PCSK6: variants seen among roughly 807,000 people sequenced by gnomAD.
PCSK6 encodes paired basic amino acid cleaving enzyme 4.
PCSK6 carries 85 observed loss-of-function variants against 123.3 expected under a neutral mutation model. That is an observed-to-expected ratio of 0.69 (90% CI 0.58 to 0.83). The LOEUF (loss-of-function observed/expected upper bound fraction) is 0.83, where lower values mean the gene tolerates loss of function less well. PCSK6 is among the 40% of genes least tolerant of loss of function. The pLI, the probability that PCSK6 is intolerant of heterozygous loss-of-function variation, is 0.00. For missense variants in PCSK6, 1,191 were observed against 1,282.3 expected (o/e 0.93, Z 1.09); for synonymous variants, 508 against 516.0 (o/e 0.98, Z 0.21).
At chr15:101,406,753 C>T (rs1050434967) in intron 6 of PCSK6, among the ~76,000 whole-genome samples, 3 of 152,148 alleles carry the variant, frequency 2.0e-5, no homozygotes, top group Non-Finnish European at 1.5e-5. Context: ...CGTTCGCCAT[C>T]GTGACATGAA....
chr15:101,469,966 A>G (rs1337851297), intron 1 of PCSK6, among the ~76,000 whole-genome samples: 7 of 152,198 alleles, frequency 4.6e-5, no homozygotes, highest in African/African-American at 1.7e-4. Flanking sequence ...CGCCGTGATG[A>G]TATCAATATG....
At chr15:101,399,385 G>T (rs1316460133) in intron 6 of PCSK6, among the ~76,000 whole-genome samples, 32 of 152,214 alleles carry the variant, frequency 2.1e-4, no homozygotes, top group Admixed American at 2.0e-3. Flanking sequence ...GGGGACTGGG[G>T]TCTTGGACTT....
At chr15:101,330,647 T>A (rs75809479) in intron 15 of PCSK6, among the ~76,000 whole-genome samples, 2 of 152,118 alleles carry the variant, frequency 1.3e-5, no homozygotes, top group African/African-American at 4.8e-5. Context: ...GGAGACCCCC[T>A]CTCTCCACCT....
At chr15:101,488,967 G>A (rs1166327686) in intron 1 of PCSK6, among the ~76,000 whole-genome samples, 3 of 150,322 alleles carry the variant, frequency 2.0e-5, no homozygotes, top group African/African-American at 7.3e-5. Context: ...GGGGAGAGCC[G>A]GGTGGGCGCC....
chr15:101,319,933 C>A lies in PCSK6; in HGVS notation c.2466-1511G>T, dbSNP rs770180983. Reference sequence around the variant, plus strand: ...CAATTAATCGAACCCAAGGAGGGGTCATGGCAAGTCCGATTTATGGCTGGT... The same window carrying A: ...CAATTAATCGAACCCAAGGAGGGGTAATGGCAAGTCCGATTTATGGCTGGT... On this transcript the variant is annotated intron_variant, in intron 18 of 21. Coordinates refer to ENST00000611716, the MANE Select transcript of PCSK6 (RefSeq NM_002570.5). 3.9e-5 allele frequency among the ~76,000 whole-genome samples: 6 copies of A among 152,240 alleles called. No homozygotes were observed. In the East Asian group the frequency reaches 7.7e-4, roughly 20 times the overall value.
chr15:101,427,947 A>G lies in PCSK6; in HGVS notation c.768T>C (p.Ala256=). 6.3e-7 allele frequency: 1 copy of G among 1,588,056 alleles called. No homozygotes were observed. The change falls in exon 6 of 22, where the codon GCT becomes GCC. Residue 256 remains alanine (A), a synonymous_variant. Coordinates refer to ENST00000611716, the MANE Select transcript of PCSK6 (RefSeq NM_002570.5). Reference sequence around the variant, plus strand: ...CGATGCAGTAGGAATTGTTTGCTGAAGCAGCAACTTCTCCCGCACAACGAG... The same window carrying G: ...CGATGCAGTAGGAATTGTTTGCTGAGGCAGCAACTTCTCCCGCACAACGAG... The part of the protein sequence containing the change: ...HGTRCAGEVA[A]SANNSYCIVG...
In PCSK6 at chr15:101,322,710, G is replaced by A. The variant is rs568132865; in HGVS notation, c.2378-103C>T. 1.2e-4 allele frequency: 84 copies of A among 722,632 alleles called. No homozygotes were observed. The Admixed American group carries it at 1.8e-3, about 15-fold the overall frequency. 44.8% of individuals were successfully genotyped at this position (722,632 alleles called of 1,614,324 possible). On this transcript the variant is annotated intron_variant, in intron 17 of 21. Transcript: ENST00000611716. ...CATTTCAAAGCGGGGGTGCGGGTGG[G>A]CTGTTCCCCGAGTCCACCTCCGGAA...
At chr15:101,361,165 T>TC (rs35082925) in intron 13 of PCSK6, among the ~76,000 whole-genome samples, 11,387 of 69,868 alleles carry the variant, frequency 0.16, 1,085 homozygotes, top group East Asian at 0.38. Context: ...TTTCTCTCTC[T>TC]TTTTTTTTTT....
At chr15:101,460,083 T>C (rs767187200) in intron 1 of PCSK6, among the ~76,000 whole-genome samples, 1 of 151,966 alleles carries the variant, frequency 6.6e-6, no homozygotes, top group Non-Finnish European at 1.5e-5. Context: ...CACAGCCACA[T>C]GGCCACCACT....
In PCSK6 at chr15:101,304,186, T is replaced by G. The variant is rs948485495; in HGVS notation, c.*1072A>C. On this transcript the variant is annotated 3_prime_UTR_variant, in exon 22 of 22. Coordinates refer to ENST00000611716, the MANE Select transcript of PCSK6 (RefSeq NM_002570.5). ...ATCTGTGCATTTCAATGAAAATATATGAAATATTTGTCAAAATAATTAACA... is the reference window on the plus strand; with the variant it reads ...ATCTGTGCATTTCAATGAAAATATAGGAAATATTTGTCAAAATAATTAACA... 2 of 152,574 alleles carry G rather than the reference T, an allele frequency of 1.3e-5. No individual in the cohort carries two copies. The allele number at this position is 152,574 out of a possible 1,614,324, so 9.5% of individuals were successfully genotyped here.
chr15:101,400,763 A>G (rs1484115940), intron 6 of PCSK6, among the ~76,000 whole-genome samples: 1 of 152,250 alleles, frequency 6.6e-6, no homozygotes, highest in Non-Finnish European at 1.5e-5. Flanking sequence ...CCAGTAGCAC[A>G]TGGATTATAA....
chr15:101,329,678 C>T (rs1243818626), intron 15 of PCSK6, among the ~76,000 whole-genome samples: 1 of 152,238 alleles, frequency 6.6e-6, no homozygotes, highest in Admixed American at 6.5e-5. Flanking sequence ...GACGATGCCA[C>T]GTGGGTTCTT....
chr15:101,472,568 G>T (rs1445873552), intron 1 of PCSK6, among the ~76,000 whole-genome samples: 1 of 152,214 alleles, frequency 6.6e-6, no homozygotes, highest in Non-Finnish European at 1.5e-5. Context: ...GAGACAAAAG[G>T]ATCTCTCAAT....
rs901155166 is a variant in PCSK6 at position 101,376,754 on chromosome 15, C to T, written c.1532+5338G>A. Among the ~76,000 whole-genome samples, 11 of 152,264 alleles carry T rather than the reference C, an allele frequency of 7.2e-5. No individual in the cohort carries two copies. The East Asian group carries it at 9.7e-4, about 13-fold the overall frequency. On this transcript the variant is annotated intron_variant, in intron 11 of 21. Transcript: ENST00000611716. ...ACATAACCAGCTGGTTAAGTTTGCT[C>T]GCAGCTACAAGGGGTAGCAGCAGGC...
chr15:101,358,901 C>T (rs947161658), intron 13 of PCSK6, among the ~76,000 whole-genome samples: 4 of 152,218 alleles, frequency 2.6e-5, no homozygotes, highest in African/African-American at 9.7e-5. Context: ...GTTGGGGAGA[C>T]TCAGTTGCAA....
chr15:101,489,167 A>AC (rs1227299613), intron 1 of PCSK6, among the ~76,000 whole-genome samples: 1 of 21,992 alleles, frequency 4.5e-5, no homozygotes, highest in Non-Finnish European at 1.5e-4. Flanking sequence ...AGTCCCCCCC[A>AC]CCCCGCCGAG....
At chr15:101,361,421 A>C (rs924291949) in intron 13 of PCSK6, among the ~76,000 whole-genome samples, 9 of 110,076 alleles carry the variant, frequency 8.2e-5, no homozygotes, top group African/African-American at 3.2e-4. Context: ...GTAGGAGTGT[A>C]AGGTGGGAGA....
chr15:101,377,186 G>A (rs957081235), intron 11 of PCSK6, among the ~76,000 whole-genome samples: 3 of 57,758 alleles, frequency 5.2e-5, no homozygotes, highest in South Asian at 1.3e-3. Flanking sequence ...CAGATGAGAC[G>A]CCAGCAGCTG....
chr15:101,431,571 G>T, intron 3 of PCSK6, 108 bp from the exon 4 acceptor site: 1 of 1,344,228 alleles, frequency 7.4e-7, no homozygotes, highest in Non-Finnish European at 1.0e-6. Context: ...AAGTAAAAAA[G>T]GAGGGAACAC....
Sources: gnomAD v4.1 joint callset for allele counts (sites outside exome capture counted in the v4.1 genomes callset) on GRCh38, gnomAD v4.1.1 for gene constraint, MANE v1.5 for transcripts, NCBI Gene and HGNC (gene_info 2026-07-23, HGNC 2026-07-21) for gene names.